GHR: variants seen among roughly 807,000 people sequenced by gnomAD.
GHR encodes growth hormone receptor.
GHR carries 35 observed loss-of-function variants against 67.1 expected under a neutral mutation model. The observed-to-expected ratio is 0.52, with a 90% CI of 0.40 to 0.69. The LOEUF is 0.69. Ranked by LOEUF, GHR falls within the 30% of genes least tolerant of loss-of-function variation. The pLI is 0.00. For missense variants in GHR, 792 were observed against 764.6 expected (o/e 1.04, Z -0.42); for synonymous variants, 272 against 269.1 (o/e 1.01, Z -0.10).
Position 42,474,333 on chromosome 5 carries a change from G to GAAAGAAAGAAAAGAAAT in GHR, c.-12+50385_-12+50386insGAAAAGAAATAAAGAAA, listed in dbSNP as rs144590349. On this transcript the variant is annotated intron_variant, in intron 1 of 9. Transcript: ENST00000230882. ...AGAAAGAAAGAAAGAAAGAAAGAAA[G>GAAAGAAAGAAAAGAAAT]AAAGAAAAGAAATAAAGAAAGAAAG... Among the ~76,000 whole-genome samples the GAAAGAAAGAAAAGAAAT allele has an allele frequency of 1.7e-3, 252 of 149,182 alleles. 3 individuals are homozygous for GAAAGAAAGAAAAGAAAT. Among genetic ancestry groups the GAAAGAAAGAAAAGAAAT allele is most frequent in the Middle Eastern group, 3.4e-3 (1 of 292 alleles).
chr5:42,466,245 G>A (rs1744729101), intron 1 of GHR, among the ~76,000 whole-genome samples: 1 of 152,018 alleles, frequency 6.6e-6, no homozygotes, highest in African/African-American at 2.4e-5. Context: ...CTCAACAGAG[G>A]TCTCCAGAGC....
chr5:42,507,470 G>A (rs1746826894), intron 1 of GHR, among the ~76,000 whole-genome samples: 1 of 152,218 alleles, frequency 6.6e-6, no homozygotes, highest in Non-Finnish European at 1.5e-5. Flanking sequence ...TTCCTCTGGT[G>A]TTCACTGGAC....
chr5:42,706,563 C>T (rs866767974), intron 6 of GHR, among the ~76,000 whole-genome samples: 2 of 151,876 alleles, frequency 1.3e-5, no homozygotes, highest in Non-Finnish European at 2.9e-5. Context: ...AGTTGATAGT[C>T]GTACATGTTG....
At position 42,710,880 on chromosome 5, in the gene GHR, T is replaced by C. The variant is rs530562905; in HGVS notation, c.619-327T>C. 2.0e-5 allele frequency among the ~76,000 whole-genome samples: 3 copies of C among 152,312 alleles called. No individual in the cohort carries two copies. In the East Asian group the frequency reaches 5.8e-4, roughly 29 times the overall value. ...GTATAATATCCCAGATATGTAGGCA[T>C]ATAGTTCTGCCATTCAGAGTAATTC... On this transcript the variant is annotated intron_variant, in intron 6 of 9. Transcript: ENST00000230882.
intron 1 of GHR, chr5:42,514,370 T>C: frequency 1.0e-6 from 1 of 966,878 alleles, no homozygotes; most frequent in Non-Finnish European, 1.2e-6. Flanking sequence ...ACCAGGTCTC[T>C]CTTCTGTCCT....
At chr5:42,565,740 C>A in intron 1 of GHR, 124 bp from the exon 2 acceptor site, 1 of 1,578,370 alleles carries the variant, frequency 6.3e-7, no homozygotes, top group Non-Finnish European at 8.6e-7. Context: ...GAAAGACTTA[C>A]CAGGATTCCT....
At chr5:42,563,929 T>C (rs936302978) in intron 1 of GHR, among the ~76,000 whole-genome samples, 2 of 152,182 alleles carry the variant, frequency 1.3e-5, no homozygotes, top group African/African-American at 2.4e-5. Flanking sequence ...TTTGATTACA[T>C]AGCCTGTTCA....
At chr5:42,627,691 A>G (rs1041745073) in intron 2 of GHR, among the ~76,000 whole-genome samples, 6 of 152,234 alleles carry the variant, frequency 3.9e-5, no homozygotes, top group African/African-American at 1.4e-4. Flanking sequence ...GGCTGGGGCA[A>G]GTGCCTTGGC....
intron 1 of GHR, among the ~76,000 whole-genome samples, chr5:42,480,494 G>A (rs1702585701): frequency 6.6e-6 from 1 of 152,126 alleles, no homozygotes; most frequent in Non-Finnish European, 1.5e-5. Flanking sequence ...GGGTGTTAAA[G>A]TCTCCCATTA....
At chr5:42,580,157 C>T (rs1240081871) in intron 2 of GHR, among the ~76,000 whole-genome samples, 1 of 152,002 alleles carries the variant, frequency 6.6e-6, no homozygotes, top group African/African-American at 2.4e-5. Context: ...GATCTGGTTG[C>T]CTTCAGCTTT....
chr5:42,584,136 C>G (rs2112568220), intron 2 of GHR, among the ~76,000 whole-genome samples: 1 of 151,956 alleles, frequency 6.6e-6, no homozygotes, highest in South Asian at 2.1e-4. Context: ...ATGGAAAACC[C>G]TTATGTATTT....
chr5:42,575,688 G>A lies in GHR; in HGVS notation c.70+9744G>A, dbSNP rs537000879. The stretch of plus-strand genomic sequence containing the variant: ...CTGAGGGCAGCCGACAGAGAGACAC[G>A]GGTCCTGGGTGTGGGAGTGAAACCA... On this transcript the variant is annotated intron_variant, in intron 2 of 9. Coordinates refer to ENST00000230882, the MANE Select transcript of GHR (RefSeq NM_000163.5). Among the ~76,000 whole-genome samples, 6 of 151,786 alleles carry A rather than the reference G, an allele frequency of 4.0e-5. 1 individual carries two copies. In the South Asian group the frequency reaches 1.3e-3, roughly 32 times the overall value.
intron 2 of GHR, among the ~76,000 whole-genome samples, chr5:42,611,531 G>T (rs1366150207): frequency 1.3e-5 from 2 of 152,142 alleles, no homozygotes; most frequent in African/African-American, 2.4e-5. Flanking sequence ...CCTGTGCTTA[G>T]AACTGTATGT....
chr5:42,584,920 A>C (rs1047441125), intron 2 of GHR, among the ~76,000 whole-genome samples: 1 of 152,164 alleles, frequency 6.6e-6, no homozygotes, highest in Non-Finnish European at 1.5e-5. Flanking sequence ...CATTCTCTGC[A>C]TGACTGGTAA....
rs550689952 is a variant in GHR at position 42,563,753 on chromosome 5, A to G, written c.-11-2111A>G. 2.6e-5 allele frequency among the ~76,000 whole-genome samples: 4 copies of G among 152,062 alleles called. No homozygotes were observed. The South Asian group carries it at 8.3e-4, about 32-fold the overall frequency. On this transcript the variant is annotated intron_variant, in intron 1 of 9. Transcript: ENST00000230882. Reference sequence around the variant, plus strand: ...AACCTGGGAGGCGGAAGTTGCAGTGAGCTGAGATCGTGCCACTGCACTCCA... The same window carrying G: ...AACCTGGGAGGCGGAAGTTGCAGTGGGCTGAGATCGTGCCACTGCACTCCA...
chr5:42,595,763 G>A (rs1726667861), intron 2 of GHR, among the ~76,000 whole-genome samples: 1 of 152,236 alleles, frequency 6.6e-6, no homozygotes, highest in African/African-American at 2.4e-5. Context: ...AGGAAAGGAA[G>A]TGGGTTGCTG....
intron 1 of GHR, among the ~76,000 whole-genome samples, chr5:42,438,824 C>T (rs1480009891): frequency 6.6e-6 from 1 of 152,106 alleles, no homozygotes; most frequent in African/African-American, 2.4e-5. Flanking sequence ...CTTCCACCAA[C>T]AGCTTGATTC....
At chr5:42,637,363 T>C (rs1754248996) in intron 3 of GHR, among the ~76,000 whole-genome samples, 1 of 152,136 alleles carries the variant, frequency 6.6e-6, no homozygotes, top group South Asian at 2.1e-4. Flanking sequence ...CATGGGTCAA[T>C]TGCATGTCTC....
chr5:42,516,549 G>C (rs1164537652), intron 1 of GHR, among the ~76,000 whole-genome samples: 1 of 152,112 alleles, frequency 6.6e-6, no homozygotes, highest in African/African-American at 2.4e-5. Flanking sequence ...TACAGGAAAA[G>C]AGCTGAAAGC....
Sources: gnomAD v4.1 joint callset for allele counts (sites outside exome capture counted in the v4.1 genomes callset) on GRCh38, gnomAD v4.1.1 for gene constraint, MANE v1.5 for transcripts, NCBI Gene and HGNC (gene_info 2026-07-23, HGNC 2026-07-21) for gene names.